TECRL: variants seen among roughly 807,000 people sequenced by gnomAD.
The protein encoded by TECRL is trans-2,3-enoyl-CoA reductase-like.
A neutral mutation model predicts 52.8 loss-of-function variants in TECRL; 63 were observed. The ratio of observed to expected loss-of-function variants is 1.19; its 90% CI spans 0.97 to 1.47. The LOEUF is 1.47. TECRL is among the 40% of genes most tolerant of loss of function. The pLI, the probability that TECRL is intolerant of heterozygous loss-of-function variation, is 0.00. For missense variants in TECRL, 482 were observed against 429.6 expected (o/e 1.12, Z -1.08); for synonymous variants, 164 against 141.9 (o/e 1.16, Z -1.10).
chr4:64,335,856 G>A (rs1445721440), intron 2 of TECRL, among the ~76,000 whole-genome samples: 1 of 152,112 alleles, frequency 6.6e-6, no homozygotes, highest in Non-Finnish European at 1.5e-5. Flanking sequence ...TTGCATCCCA[G>A]GGATGAAACC....
chr4:64,392,520 A>G (rs911226862), intron 1 of TECRL, among the ~76,000 whole-genome samples: 1 of 151,936 alleles, frequency 6.6e-6, no homozygotes, highest in African/African-American at 2.4e-5. Context: ...AAAAGACATT[A>G]TCTGCTTTCC....
In TECRL at chr4:64,307,863, A is replaced by G. The variant is rs571144909; in HGVS notation, c.657+1963T>C. On this transcript the variant is annotated intron_variant, in intron 6 of 11. Coordinates refer to ENST00000381210, the MANE Select transcript of TECRL (RefSeq NM_001010874.5). The stretch of plus-strand genomic sequence containing the variant: ...TCTCACATAATACCAGAGACAAGGG[A>G]AGGCCTTATCCAGTTGGAAAGACAG... Among the ~76,000 whole-genome samples, 9 of 152,298 alleles carry G rather than the reference A, an allele frequency of 5.9e-5. No homozygotes were observed. In the South Asian group the frequency reaches 1.9e-3, roughly 32 times the overall value.
intron 1 of TECRL, 36 bp from the exon 2 acceptor site, chr4:64,375,259 A>G (rs774337210): frequency 2.6e-5 from 29 of 1,117,062 alleles, no homozygotes; most frequent in Middle Eastern, 5.2e-4. Flanking sequence ...ATTTTTAAAA[A>G]CTGTTAATTT....
At chr4:64,393,479 A>T (rs2109753864) in intron 1 of TECRL, among the ~76,000 whole-genome samples, 1 of 152,168 alleles carries the variant, frequency 6.6e-6, no homozygotes, top group Admixed American at 6.6e-5. Flanking sequence ...TACTTTCAAA[A>T]TTAATTGTAT....
chr4:64,287,739 A>G (rs1723153664), intron 9 of TECRL, among the ~76,000 whole-genome samples: 1 of 152,164 alleles, frequency 6.6e-6, no homozygotes, highest in Admixed American at 6.5e-5. Flanking sequence ...GGCATTTCTC[A>G]CTTTATGTTT....
At chr4:64,361,335 CCCA>C (rs1260435315) in intron 2 of TECRL, among the ~76,000 whole-genome samples, 1 of 152,172 alleles carries the variant, frequency 6.6e-6, no homozygotes, top group African/African-American at 2.4e-5. Context: ...CTGTCATCAT[CCCA>C]CCAATGTACA....
intron 8 of TECRL, among the ~76,000 whole-genome samples, chr4:64,290,259 CA>C (rs1723306646): frequency 6.6e-6 from 1 of 152,164 alleles, no homozygotes; most frequent in South Asian, 2.1e-4. Context: ...GCTTCTCTGT[CA>C]TCATGACCTC....
Position 64,288,967 on chromosome 4 carries a change from C to T in TECRL, c.832+743G>A, listed in dbSNP as rs116108570. On this transcript the variant is annotated intron_variant, in intron 9 of 11. Transcript: ENST00000381210. ...GCCTGACCTCTCACTAACTGACTAC[C>T]ACTTCTTCAAGCATCTGGACAACGT... 4.7e-3 allele frequency among the ~76,000 whole-genome samples: 719 copies of T among 152,254 alleles called. 3 individuals carry two copies. Among genetic ancestry groups the T allele is most frequent in the Non-Finnish European group, 7.7e-3 (527 of 68,018 alleles).
At chr4:64,314,155 A>C (rs889784782) in intron 5 of TECRL, among the ~76,000 whole-genome samples, 11 of 151,594 alleles carry the variant, frequency 7.3e-5, no homozygotes, top group African/African-American at 2.7e-4. Context: ...GTCTCAAAAA[A>C]TAATACCAAT....
chr4:64,357,264 C>CCA (rs1720837570), intron 2 of TECRL, among the ~76,000 whole-genome samples: 1 of 151,800 alleles, frequency 6.6e-6, no homozygotes, highest in Admixed American at 6.6e-5. Context: ...TATACAGCAT[C>CCA]ATATTGGATA....
chr4:64,405,448 G>T (rs1368767170), intron 1 of TECRL, among the ~76,000 whole-genome samples: 1 of 152,134 alleles, frequency 6.6e-6, no homozygotes, highest in African/African-American at 2.4e-5. Flanking sequence ...CAAGTGTTTG[G>T]CCTGAGCTAT....
At chr4:64,399,680 A>G (rs973455456) in intron 1 of TECRL, among the ~76,000 whole-genome samples, 32 of 152,304 alleles carry the variant, frequency 2.1e-4, no homozygotes, top group African/African-American at 7.7e-4. Context: ...AAAGGGACTT[A>G]TGTACAGCTT....
intron 5 of TECRL, 62 bp downstream of exon 5, chr4:64,314,586 G>T: frequency 8.8e-7 from 1 of 1,139,280 alleles, no homozygotes; most frequent in Non-Finnish European, 1.3e-6. Context: ...TCCTTAACGT[G>T]TATGGTGTGT....
At chr4:64,375,003 A>G (rs1390320664) in intron 2 of TECRL, among the ~76,000 whole-genome samples, 169 bp downstream of exon 2, 1 of 152,124 alleles carries the variant, frequency 6.6e-6, no homozygotes, top group African/African-American at 2.4e-5. Flanking sequence ...TTAGAGTTAA[A>G]TGCTAGAATA....
intron 6 of TECRL, among the ~76,000 whole-genome samples, chr4:64,306,748 T>G (rs1724363530): frequency 6.6e-6 from 1 of 152,190 alleles, no homozygotes; most frequent in South Asian, 2.1e-4. Flanking sequence ...CTAGGCTGCT[T>G]CTTATTTCCA....
Position 64,300,009 on chromosome 4 carries a change from T to C in TECRL, c.739A>G (p.Asn247Asp), listed in dbSNP as rs143329328. Residue 247 changes from asparagine (N) to aspartate (D), a missense_variant, in exon 8 of 12, where the codon AAC becomes GAC. Transcript: ENST00000381210. ...HPLYTPPSFG[N>D]RQITVSAINF... is the part of the protein sequence containing the mutation. ...ATAGCAGATACTGTGATTTGCCTGT[T>C]TCCAAATGCTGGAGAGTAGAAAAAG... is the stretch of plus-strand genomic sequence containing the variant. 113 of 1,577,344 alleles carry C rather than the reference T, an allele frequency of 7.2e-5. 1 individual carries two copies. In the Admixed American group the frequency reaches 1.6e-3, roughly 23 times the overall value.
chr4:64,348,365 C>T (rs1227732836), intron 2 of TECRL, among the ~76,000 whole-genome samples: 1 of 152,146 alleles, frequency 6.6e-6, no homozygotes, highest in Non-Finnish European at 1.5e-5. Context: ...AAAGCACCCC[C>T]AGGATCCTAT....
At chr4:64,332,177 G>C (rs915115678) in intron 2 of TECRL, among the ~76,000 whole-genome samples, 1 of 152,144 alleles carries the variant, frequency 6.6e-6, no homozygotes, top group Non-Finnish European at 1.5e-5. Context: ...CGAGGAAGCT[G>C]AGCAGGGCTT....
intron 9 of TECRL, among the ~76,000 whole-genome samples, 185 bp from the exon 10 acceptor site, chr4:64,281,744 C>G (rs894349234): frequency 6.6e-6 from 1 of 151,838 alleles, no homozygotes; most frequent in East Asian, 1.9e-4. Flanking sequence ...AACCTTTTGA[C>G]TCAAATAAAA....
Sources: allele counts gnomAD v4.1 joint callset (sites outside exome capture counted in the v4.1 genomes callset), GRCh38; gene constraint gnomAD v4.1.1; transcripts MANE v1.5; gene names NCBI Gene and HGNC (gene_info 2026-07-23, HGNC 2026-07-21).